PRKG1: variants seen among roughly 807,000 people sequenced by gnomAD.
PRKG1 encodes cGMP-dependent protein kinase 1.
In PRKG1, 35 loss-of-function variants were observed where a neutral mutation model predicts 88.1. The observed-to-expected ratio is 0.40, with a 90% CI of 0.30 to 0.53. The LOEUF (loss-of-function observed/expected upper bound fraction) is 0.53. Ranked by LOEUF, PRKG1 falls within the 20% of genes least tolerant of loss-of-function variation. The pLI is 0.59. For missense variants in PRKG1, 540 were observed against 839.8 expected (o/e 0.64, Z 4.41); for synonymous variants, 303 against 292.5 (o/e 1.04, Z -0.37).
intron 2 of PRKG1, among the ~76,000 whole-genome samples, chr10:51,215,125 C>G (rs182269732): frequency 1.3e-5 from 2 of 152,244 alleles, no homozygotes; most frequent in East Asian, 3.9e-4. Context: ...CCAATCAGAA[C>G]TACCATAAAT....
chr10:52,162,022 A>C, intron 9 of PRKG1, 59 bp downstream of exon 9: 2 of 1,473,164 alleles, frequency 1.4e-6, no homozygotes, highest in Non-Finnish European at 1.9e-6. Flanking sequence ...AAATAAGATC[A>C]AATATTTTGT....
chr10:51,857,200 G>A (rs1394961276), intron 4 of PRKG1, among the ~76,000 whole-genome samples: 1 of 152,124 alleles, frequency 6.6e-6, no homozygotes, highest in African/African-American at 2.4e-5. Context: ...TCTTTCCAGT[G>A]AAACTGAAGA....
intron 1 of PRKG1, among the ~76,000 whole-genome samples, chr10:51,107,406 A>G (rs139595130): frequency 4.6e-5 from 7 of 152,338 alleles, no homozygotes; most frequent in Admixed American, 3.9e-4. Flanking sequence ...CTAGAAAAAA[A>G]TGAGAGTAAA....
At chr10:51,650,323 A>G (rs1840009885) in intron 3 of PRKG1, among the ~76,000 whole-genome samples, 1 of 152,070 alleles carries the variant, frequency 6.6e-6, no homozygotes, top group Non-Finnish European at 1.5e-5. Context: ...ATATTGTTTT[A>G]CTTTTTATCT....
intron 3 of PRKG1, among the ~76,000 whole-genome samples, chr10:51,787,856 C>CT (rs1389882120): frequency 2.0e-5 from 3 of 152,050 alleles, no homozygotes; most frequent in Non-Finnish European, 2.9e-5. Context: ...AGTTTTGAGG[C>CT]TTATTACCTA....
chr10:51,685,538 T>C (rs1205579134), intron 3 of PRKG1, among the ~76,000 whole-genome samples: 1 of 152,220 alleles, frequency 6.6e-6, no homozygotes, highest in Non-Finnish European at 1.5e-5. Context: ...GAAATTGCAC[T>C]ATTATAGTCT....
At chr10:51,743,672 TTA>T (rs1177164567) in intron 3 of PRKG1, among the ~76,000 whole-genome samples, 147 of 123,936 alleles carry the variant, frequency 1.2e-3, no homozygotes, top group South Asian at 6.5e-3. Flanking sequence ...ATATATATAT[TTA>T]TATATATATA....
At chr10:52,038,933 G>A (rs1589547161) in intron 5 of PRKG1, among the ~76,000 whole-genome samples, 1 of 152,196 alleles carries the variant, frequency 6.6e-6, no homozygotes, top group East Asian at 1.9e-4. Flanking sequence ...AGTGAGAGAG[G>A]TTGGAGAAGA....
At chr10:52,061,673 T>C (rs1314910726) in intron 6 of PRKG1, among the ~76,000 whole-genome samples, 1 of 152,124 alleles carries the variant, frequency 6.6e-6, no homozygotes, top group Non-Finnish European at 1.5e-5. Flanking sequence ...TTATTATAAT[T>C]TGTGGAGAAT....
chr10:51,166,718 G>A (rs190328828), intron 2 of PRKG1, among the ~76,000 whole-genome samples: 21 of 152,114 alleles, frequency 1.4e-4, no homozygotes, highest in Non-Finnish European at 2.4e-4. Context: ...TCTTCATGTT[G>A]AGTAACCAGT....
chr10:51,431,653 T>TG (rs1403675408), intron 2 of PRKG1, among the ~76,000 whole-genome samples: 2 of 152,092 alleles, frequency 1.3e-5, no homozygotes, highest in African/African-American at 4.8e-5. Context: ...TATCCTCAGT[T>TG]GGGGGGCTAC....
chr10:51,330,109 A>T (rs1391371702), intron 2 of PRKG1, among the ~76,000 whole-genome samples: 7 of 5,966 alleles, frequency 1.2e-3, no homozygotes, highest in East Asian at 6.3e-3. Context: ...TTGCTCTTTT[A>T]TTTATTTATT....
At chr10:51,355,969 T>C (rs1478275413) in intron 2 of PRKG1, among the ~76,000 whole-genome samples, 1 of 152,082 alleles carries the variant, frequency 6.6e-6, no homozygotes, top group African/African-American at 2.4e-5. Flanking sequence ...GCTACAGCAC[T>C]GCTAATGTTA....
intron 3 of PRKG1, among the ~76,000 whole-genome samples, chr10:51,502,511 A>G (rs1841061384): frequency 6.6e-6 from 1 of 152,176 alleles, no homozygotes; most frequent in Non-Finnish European, 1.5e-5. Flanking sequence ...CTTTTGTACC[A>G]GTTCCCTAGG....
intron 7 of PRKG1, among the ~76,000 whole-genome samples, chr10:52,071,665 TG>T (rs1037739157): frequency 6.1e-5 from 1 of 16,524 alleles, no homozygotes; most frequent in African/African-American, 2.8e-4. Context: ...TTGTCTTGGG[TG>T]GGGGTGGGGG....
intron 4 of PRKG1, among the ~76,000 whole-genome samples, chr10:51,861,048 A>G (rs990360620): frequency 6.6e-6 from 1 of 152,202 alleles, no homozygotes. Context: ...AAGCCCTTTT[A>G]CCAATATTTT....
At position 51,126,340 on chromosome 10, in the gene PRKG1, TTTTATAC is replaced by T. The variant is rs1845416151; in HGVS notation, c.312-26817_312-26811del. ...ATTTATGTTTTTATATTTTATATTA[TTTTATAC>T]TTTATATTTTATTATTTTATATTTT... is the stretch of plus-strand genomic sequence containing the variant. On this transcript the variant is annotated intron_variant, in intron 1 of 17. Transcript: ENST00000373980. Among the ~76,000 whole-genome samples, 3 of 131,218 alleles carry T rather than the reference TTTTATAC, an allele frequency of 2.3e-5. No individual in the cohort carries two copies. The South Asian group carries it at 6.7e-4, about 30-fold the overall frequency. The allele number at this position is 131,218 out of a possible 152,430, so 86.1% of individuals were successfully genotyped here. A position where few individuals can be genotyped will look rare whatever the true frequency, so the allele number is the denominator to read the frequency against.
intron 6 of PRKG1, among the ~76,000 whole-genome samples, chr10:52,060,531 T>C (rs1215051033): frequency 6.6e-6 from 1 of 151,678 alleles, no homozygotes; most frequent in Non-Finnish European, 1.5e-5. Flanking sequence ...ATCAGACATA[T>C]AATCAAAAGA....
At chr10:51,204,923 T>G (rs151315092) in intron 2 of PRKG1, among the ~76,000 whole-genome samples, 1 of 152,182 alleles carries the variant, frequency 6.6e-6, no homozygotes, top group Non-Finnish European at 1.5e-5. Context: ...TGACTCAATG[T>G]TGTAACCAAA....
Sources: gnomAD v4.1 joint callset for allele counts (sites outside exome capture counted in the v4.1 genomes callset) on GRCh38, gnomAD v4.1.1 for gene constraint, MANE v1.5 for transcripts, NCBI Gene and HGNC (gene_info 2026-07-23, HGNC 2026-07-21) for gene names.